The following NKAIN3 variants were observed in gnomAD, a reference collection of about 807,000 sequenced individuals.
NKAIN3 encodes the protein sodium/potassium transporting ATPase interacting 3, also known as sodium/potassium-transporting ATPase subunit beta-1-interacting protein 3.
Under a neutral mutation model 30.2 loss-of-function variants are expected in NKAIN3, and 25 were observed. The observed-to-expected ratio is 0.83, with a 90% CI of 0.60 to 1.16. The LOEUF is 1.16. Among genes scored for constraint, NKAIN3 ranks in the 50% most tolerant of loss-of-function variants. NKAIN3 has a pLI of 0.00. For synonymous variants in NKAIN3, 91 were observed against 89.6 expected, an observed-to-expected ratio of 1.02 and a Z score of -0.09; for missense variants, 225 against 254.1, an observed-to-expected ratio of 0.89 and a Z score of 0.78.
At chr8:62,958,072 C>T (rs1049570864) in intron 6 of NKAIN3, among the ~76,000 whole-genome samples, 12 of 152,116 alleles carry the variant, frequency 7.9e-5, no homozygotes, top group Non-Finnish European at 1.2e-4. Flanking sequence ...CACAAGAAAA[C>T]GGGTATCCCC....
chr8:62,992,058 G>A (rs62508116), intron 5 of NKAIN3, among the ~76,000 whole-genome samples: 10,840 of 150,148 alleles, frequency 0.072, 455 homozygotes, highest in South Asian at 0.17. Context: ...TCGCTTTGTC[G>A]TCCAGGCTGC....
At chr8:62,807,363 T>C (rs1360638800) in intron 4 of NKAIN3, among the ~76,000 whole-genome samples, 4 of 152,154 alleles carry the variant, frequency 2.6e-5, no homozygotes, top group East Asian at 1.9e-4. Flanking sequence ...TTAATGTATA[T>C]GGAATTACAT....
intron 4 of NKAIN3, among the ~76,000 whole-genome samples, chr8:62,891,452 G>T (rs1586316124): frequency 6.6e-6 from 1 of 152,270 alleles, no homozygotes; most frequent in Non-Finnish European, 1.5e-5. Context: ...TGGCTTCCTT[G>T]CTCCTCAGCT....
chr8:62,424,274 A>G (rs1228536262), intron 1 of NKAIN3, among the ~76,000 whole-genome samples: 1 of 152,010 alleles, frequency 6.6e-6, no homozygotes, highest in Admixed American at 6.6e-5. Flanking sequence ...CTTGGATATG[A>G]CACCAAAATC....
chr8:62,784,872 A>G (rs1817465447), intron 4 of NKAIN3, among the ~76,000 whole-genome samples: 1 of 152,184 alleles, frequency 6.6e-6, no homozygotes. Context: ...GCAACATATG[A>G]AAAGTTTTAT....
intron 1 of NKAIN3, among the ~76,000 whole-genome samples, chr8:62,416,657 C>CA (rs1804453025): frequency 1.3e-5 from 2 of 151,960 alleles, no homozygotes; most frequent in South Asian, 2.1e-4. Context: ...CTTTGTGTTA[C>CA]AAAAAATCAA....
At chr8:62,930,874 T>G (rs1822598654) in intron 5 of NKAIN3, among the ~76,000 whole-genome samples, 1 of 151,458 alleles carries the variant, frequency 6.6e-6, no homozygotes, top group South Asian at 2.1e-4. Flanking sequence ...TGGCTAATTT[T>G]GTTTTTGTAT....
chr8:62,759,112 C>A (rs575245750), intron 4 of NKAIN3, among the ~76,000 whole-genome samples: 1 of 152,172 alleles, frequency 6.6e-6, no homozygotes, highest in South Asian at 2.1e-4. Flanking sequence ...ATTCTCTTAA[C>A]CATAAAACAA....
chr8:62,761,296 T>A (rs563283273), intron 4 of NKAIN3, among the ~76,000 whole-genome samples: 2 of 152,132 alleles, frequency 1.3e-5, no homozygotes, highest in Non-Finnish European at 2.9e-5. Context: ...CTTTAAATAA[T>A]GTTCTGTGTA....
chr8:62,614,037 T>G (rs1811370776), intron 3 of NKAIN3, among the ~76,000 whole-genome samples: 1 of 152,114 alleles, frequency 6.6e-6, no homozygotes, highest in Non-Finnish European at 1.5e-5. Context: ...ATTTAGTTCA[T>G]TTGGTGAGGT....
chr8:62,399,292 G>T (rs770989621), intron 1 of NKAIN3, among the ~76,000 whole-genome samples: 1 of 152,124 alleles, frequency 6.6e-6, no homozygotes, highest in Non-Finnish European at 1.5e-5. Flanking sequence ...GATCGCTTGA[G>T]ATCAGGAGTT....
chr8:62,637,444 T>C (rs1003312645), intron 3 of NKAIN3, among the ~76,000 whole-genome samples: 6 of 152,134 alleles, frequency 3.9e-5, no homozygotes, highest in Admixed American at 2.0e-4. Context: ...TGCTGAGAAA[T>C]TGGAAGCTCT....
rs11995740 is a variant in NKAIN3 at position 62,883,081 on chromosome 8, T to A, written c.472-35372T>A. On this transcript the variant is annotated intron_variant, in intron 4 of 6. Coordinates refer to ENST00000623646, the MANE Select transcript of NKAIN3 (RefSeq NM_001304533.3). The stretch of plus-strand genomic sequence containing the variant: ...TCCATATAAACTGTAGATTTGGTTG[T>A]TTGGCATCCACAAGATAACTTTCTG... 4.6e-5 allele frequency among the ~76,000 whole-genome samples: 7 copies of A among 152,156 alleles called. No individual in the cohort carries two copies. The South Asian group carries it at 1.2e-3, about 27-fold the overall frequency.
At chr8:62,417,164 A>G (rs545463832) in intron 1 of NKAIN3, among the ~76,000 whole-genome samples, 2 of 151,914 alleles carry the variant, frequency 1.3e-5, no homozygotes, top group South Asian at 2.1e-4. Flanking sequence ...TCTGCTCTCT[A>G]TCTCCATGAG....
chr8:62,535,720 C>CCAGGTATT (rs1240183660), intron 1 of NKAIN3, among the ~76,000 whole-genome samples: 1 of 152,122 alleles, frequency 6.6e-6, no homozygotes, highest in Non-Finnish European at 1.5e-5. Flanking sequence ...CCAGCAGCCT[C>CCAGGTATT]CAGGTATTCA....
At chr8:62,691,172 C>A (rs1002307086) in intron 3 of NKAIN3, among the ~76,000 whole-genome samples, 4 of 152,112 alleles carry the variant, frequency 2.6e-5, no homozygotes, top group African/African-American at 7.2e-5. Flanking sequence ...TAGCAGCTGG[C>A]CTTCTTTATC....
At chr8:62,277,773 C>T (rs1453203896) in intron 1 of NKAIN3, among the ~76,000 whole-genome samples, 1 of 152,146 alleles carries the variant, frequency 6.6e-6, no homozygotes, top group Non-Finnish European at 1.5e-5. Flanking sequence ...TTTCTGAGGA[C>T]TTCTGCTTCT....
intron 1 of NKAIN3, among the ~76,000 whole-genome samples, chr8:62,337,382 A>T (rs964683805): frequency 3.9e-5 from 6 of 151,960 alleles, no homozygotes; most frequent in Admixed American, 3.3e-4. Context: ...ACCTTCGAGG[A>T]GCTTACATTA....
intron 1 of NKAIN3, among the ~76,000 whole-genome samples, chr8:62,399,696 A>C (rs1021458602): frequency 1.3e-5 from 2 of 152,214 alleles, no homozygotes; most frequent in African/African-American, 4.8e-5. Flanking sequence ...AATCTCATTA[A>C]CTACACCTTA....
Sources: allele counts gnomAD v4.1 joint callset (sites outside exome capture counted in the v4.1 genomes callset), GRCh38; gene constraint gnomAD v4.1.1; transcripts MANE v1.5; gene names NCBI Gene and HGNC (gene_info 2026-07-23, HGNC 2026-07-21).